Variants in NSG2 observed in about 807,000 individuals in gnomAD.
The protein encoded by NSG2 is neuronal vesicle trafficking associated 2.
Under a neutral mutation model 16.9 loss-of-function variants are expected in NSG2, and 4 were observed. That is an observed-to-expected ratio of 0.24 (90% CI 0.12 to 0.54). The LOEUF (loss-of-function observed/expected upper bound fraction) is 0.54. NSG2 is among the 20% of genes least tolerant of loss of function. The pLI is 0.95. For missense variants in NSG2, 179 were observed against 221.1 expected (o/e 0.81, Z 1.21); for synonymous variants, 98 against 88.7 (o/e 1.11, Z -0.59).
chr5:174,059,762 C>T (rs1379804128), intron 2 of NSG2, among the ~76,000 whole-genome samples: 2 of 152,148 alleles, frequency 1.3e-5, no homozygotes, highest in Non-Finnish European at 2.9e-5. Flanking sequence ...TTGTGTGCTG[C>T]CTTGTTCTTC....
intron 3 of NSG2, among the ~76,000 whole-genome samples, chr5:174,092,651 C>T (rs931113652): frequency 1.3e-5 from 2 of 152,228 alleles, no homozygotes; most frequent in Non-Finnish European, 2.9e-5. Context: ...TAATTTGTCA[C>T]TTTAGCATTT....
At chr5:174,088,384 C>T (rs1760667440) in intron 3 of NSG2, among the ~76,000 whole-genome samples, 2 of 152,200 alleles carry the variant, frequency 1.3e-5, no homozygotes, top group Admixed American at 1.3e-4. Flanking sequence ...TGTCTTCAGC[C>T]TCATTCCAGT....
At chr5:174,075,620 C>T (rs1214160087) in intron 3 of NSG2, among the ~76,000 whole-genome samples, 5 of 152,156 alleles carry the variant, frequency 3.3e-5, no homozygotes, top group African/African-American at 1.2e-4. Context: ...AAAGAGATGC[C>T]GTTTTCCCCA....
At chr5:174,086,835 C>T (rs528386719) in intron 3 of NSG2, among the ~76,000 whole-genome samples, 27 of 152,336 alleles carry the variant, frequency 1.8e-4, no homozygotes, top group African/African-American at 6.0e-4. Context: ...TCTCCTACAT[C>T]GGCAGGGCCC....
intron 2 of NSG2, among the ~76,000 whole-genome samples, chr5:174,055,467 A>G (rs12515160): frequency 0.12 from 18,476 of 152,052 alleles, 1,385 homozygotes; most frequent in African/African-American, 0.21. Context: ...GCGTGGTGGC[A>G]GGTGCCTATA....
chr5:174,082,696 T>C (rs993801418), intron 3 of NSG2: 2 of 152,266 alleles, frequency 1.3e-5, no homozygotes, highest in Non-Finnish European at 1.5e-5. Context: ...CAAAACACAG[T>C]TGGCACCCAG....
intron 3 of NSG2, among the ~76,000 whole-genome samples, chr5:174,079,327 A>G (rs1760407142): frequency 6.7e-6 from 1 of 150,062 alleles, no homozygotes; most frequent in South Asian, 2.1e-4. Context: ...GTGCAATCTC[A>G]GCTCACTGCA....
At position 174,091,727 on chromosome 5, in the gene NSG2, G is replaced by A. The variant is rs139455318; in HGVS notation, c.214-12501G>A. On this transcript the variant is annotated intron_variant, in intron 3 of 4. Transcript: ENST00000303177. ...TTAGTGAAGTGGGACAGGTAAGCAGGGACCAGATGATGGAAATAGCACAGT... is the reference window on the plus strand; with the variant it reads ...TTAGTGAAGTGGGACAGGTAAGCAGAGACCAGATGATGGAAATAGCACAGT... Among the ~76,000 whole-genome samples, 459 of 151,808 alleles carry A rather than the reference G, an allele frequency of 3.0e-3. 3 individuals are homozygous for A. The highest frequency in any genetic ancestry group is 0.01 in the African/African-American group (432 of 41,376).
intron 3 of NSG2, among the ~76,000 whole-genome samples, chr5:174,083,660 T>A (rs890626352): frequency 6.6e-6 from 1 of 152,216 alleles, no homozygotes; most frequent in East Asian, 1.9e-4. Context: ...ATGAGCTGGT[T>A]GGGCAGCTGC....
intron 3 of NSG2, among the ~76,000 whole-genome samples, chr5:174,080,728 A>T (rs2113453971): frequency 6.6e-6 from 1 of 152,042 alleles, no homozygotes. Flanking sequence ...CACCTGGCTA[A>T]TTTTTGTATT....
At chr5:174,090,456 G>T (rs535237945) in intron 3 of NSG2, among the ~76,000 whole-genome samples, 7 of 152,322 alleles carry the variant, frequency 4.6e-5, no homozygotes, top group South Asian at 2.1e-4. Flanking sequence ...CCAAGTTTCA[G>T]ACTCCAGGTG....
At chr5:174,053,292 C>T (rs1288889645) in intron 2 of NSG2, among the ~76,000 whole-genome samples, 1 of 152,154 alleles carries the variant, frequency 6.6e-6, no homozygotes, top group African/African-American at 2.4e-5. Flanking sequence ...GATAGGGTTT[C>T]CTTTCTTTCA....
At chr5:174,051,935 G>T (rs34406134) in intron 2 of NSG2, among the ~76,000 whole-genome samples, 22,406 of 152,150 alleles carry the variant, frequency 0.15, 2,075 homozygotes, top group African/African-American at 0.25. Flanking sequence ...AAATGGTGGG[G>T]AGAGACTTAA....
intron 3 of NSG2, chr5:174,082,746 A>G (rs1016830284): frequency 1.3e-5 from 2 of 152,260 alleles, no homozygotes; most frequent in Non-Finnish European, 2.9e-5. Context: ...ATCTCCCAAA[A>G]TAGCTAGCTG....
In NSG2 at chr5:174,050,701, G is replaced by A. The variant is rs567505780; in HGVS notation, c.129+3817G>A. On this transcript the variant is annotated intron_variant, in intron 2 of 4. Transcript: ENST00000303177. ...GGCTGCCCCTTGAGCCCTCCCCCTG[G>A]CAGGCTCCTGGACCTGGAAGGGACC... is the stretch of plus-strand genomic sequence containing the variant. Among the ~76,000 whole-genome samples, 7 of 152,172 alleles carry A rather than the reference G, an allele frequency of 4.6e-5. No individual in the cohort carries two copies. In the South Asian group the frequency reaches 1.5e-3, roughly 32 times the overall value.
At chr5:174,069,840 G>A (rs1195490806) in intron 3 of NSG2, among the ~76,000 whole-genome samples, 2 of 150,980 alleles carry the variant, frequency 1.3e-5, no homozygotes, top group African/African-American at 4.9e-5. Flanking sequence ...GTGATTCCTG[G>A]AGGCACGTGT....
intron 3 of NSG2, among the ~76,000 whole-genome samples, chr5:174,100,958 G>T (rs374697707): frequency 6.6e-6 from 1 of 152,238 alleles, no homozygotes; most frequent in Non-Finnish European, 1.5e-5. Context: ...AAGGTTTGGG[G>T]TTGCACATGG....
chr5:174,066,989 CAA>C (rs543368373), intron 3 of NSG2, among the ~76,000 whole-genome samples: 4 of 27,940 alleles, frequency 1.4e-4, no homozygotes, highest in Non-Finnish European at 2.6e-4. Flanking sequence ...GACTCTGTCT[CAA>C]AAAAAAAAAA....
chr5:174,105,333 A>T (rs1581245663), intron 4 of NSG2, among the ~76,000 whole-genome samples: 1 of 151,958 alleles, frequency 6.6e-6, no homozygotes, highest in Non-Finnish European at 1.5e-5. Flanking sequence ...TAGCTGGTTG[A>T]CTCACCTATC....
Sources: allele counts gnomAD v4.1 joint callset (sites outside exome capture counted in the v4.1 genomes callset), GRCh38; gene constraint gnomAD v4.1.1; transcripts MANE v1.5; gene names NCBI Gene and HGNC (gene_info 2026-07-23, HGNC 2026-07-21).